CEP290: variants seen among roughly 807,000 people sequenced by gnomAD.
CEP290 encodes the protein centrosomal protein of 290 kDa.
CEP290 carries 317 observed loss-of-function variants against 344.9 expected under a neutral mutation model. That is an observed-to-expected ratio of 0.92 (90% CI 0.84 to 1.01). CEP290 has a LOEUF of 1.01. Among genes scored for constraint, CEP290 ranks in the 50% least tolerant of loss-of-function variants. The pLI is 0.00. For synonymous variants in CEP290, 932 were observed against 895.8 expected, an observed-to-expected ratio of 1.04 and a Z score of -0.72; for missense variants, 2,754 against 2,761.4, an observed-to-expected ratio of 1.00 and a Z score of 0.06.
intron 6 of CEP290, chr12:88,136,138 A>G (rs2040342032): frequency 6.6e-6 from 1 of 152,240 alleles, no homozygotes. Flanking sequence ...CATGAACACA[A>G]CTTTTCAAAA....
chr12:88,090,696 A>G, intron 30 of CEP290, 32 bp downstream of exon 30: 1 of 1,290,746 alleles, frequency 7.7e-7, no homozygotes, highest in Non-Finnish European at 1.1e-6. Context: ...AAAAAAGTGG[A>G]TTCTATGTAG....
At chr12:88,097,108 GT>G in intron 26 of CEP290, 109 bp from the exon 27 acceptor site, 1 of 629,682 alleles carries the variant, frequency 1.6e-6, no homozygotes, top group Non-Finnish European at 2.7e-6. Flanking sequence ...TCACAATCCA[GT>G]TTTTTACAAA....
At chr12:88,070,150 G>C (rs1195399393) in intron 43 of CEP290, among the ~76,000 whole-genome samples, 1 of 152,106 alleles carries the variant, frequency 6.6e-6, no homozygotes, top group Non-Finnish European at 1.5e-5. Context: ...GGTGATGCAG[G>C]GCAAGGGCAT....
intron 49 of CEP290, among the ~76,000 whole-genome samples, chr12:88,057,104 TATC>T (rs1233887133): frequency 6.6e-6 from 1 of 152,206 alleles, no homozygotes. Flanking sequence ...TATGGTTAAA[TATC>T]ATCATCACCT....
intron 13 of CEP290, among the ~76,000 whole-genome samples, chr12:88,123,080 G>A (rs2039512024): frequency 6.6e-6 from 1 of 151,932 alleles, no homozygotes; most frequent in Non-Finnish European, 1.5e-5. Context: ...CTACAATTAT[G>A]GATGAACTCT....
At chr12:88,122,359 C>T (rs540257539) in intron 13 of CEP290, among the ~76,000 whole-genome samples, 21 of 152,252 alleles carry the variant, frequency 1.4e-4, no homozygotes, top group Admixed American at 2.6e-4. Context: ...GATAAAGCTG[C>T]ATTCCATCCA....
chr12:88,062,696 C>T lies in CEP290; in HGVS notation c.6353G>A (p.Arg2118Lys), dbSNP rs1208196086. The change falls in exon 46 of 54, where the codon AGA becomes AAA. Residue 2118 changes from arginine (R) to lysine (K), a missense_variant. Coordinates refer to ENST00000552810, the MANE Select transcript of CEP290 (RefSeq NM_025114.4). The part of the protein sequence containing the change: ...AEVQRKLGHV[R>K]GSGRSGKTIP... ...GTATGGTAAATTCTCACATACCCCT[C>T]TAACATGGCCAAGTTTCCGCTGAAC... 3.7e-6 allele frequency: 6 copies of T among 1,601,172 alleles called. No individual in the cohort carries two copies. Among genetic ancestry groups the T allele is most frequent in the Non-Finnish European group, 5.1e-6 (6 of 1,172,188 alleles).
Position 88,125,292 on chromosome 12 carries a change from A to G in CEP290, c.1143T>C (p.Asn381=). The G allele has an allele frequency of 8.8e-7, 1 of 1,132,054 alleles. No individual in the cohort carries two copies. The highest frequency in any genetic ancestry group is 1.2e-6 in the Non-Finnish European group (1 of 838,604). The allele number at this position is 1,132,054 out of a possible 1,614,324, so 70.1% of individuals were successfully genotyped here. A position where few individuals can be genotyped will look rare whatever the true frequency, so the allele number is the denominator to read the frequency against. ...TTTTCAAATCTTCAATAATACAAGT[A>G]TTCTTTTCCATTTCTTTTGTATATT... ...VEQYTKEMEK[N]TCIIEDLKNE... Residue 381 remains asparagine, a synonymous_variant, in exon 13 of 54, where the codon AAT becomes AAC. Transcript: ENST00000552810.
intron 29 of CEP290, among the ~76,000 whole-genome samples, chr12:88,091,169 T>C (rs1331338025): frequency 6.6e-6 from 1 of 152,162 alleles, no homozygotes; most frequent in African/African-American, 2.4e-5. Flanking sequence ...CAAATGTATA[T>C]AGCCAAAGAA....
Position 88,064,040 on chromosome 12 carries a change from C to G in CEP290, c.6211G>C (p.Glu2071Gln), listed in dbSNP as rs1290067659. 6.3e-7 allele frequency: 1 copy of G among 1,595,582 alleles called. No individual in the cohort carries two copies. Among genetic ancestry groups the G allele is most frequent in the Non-Finnish European group, 8.6e-7 (1 of 1,169,570 alleles). ...LQKENLKLSS[E>Q]NIELKFQLEQ... ...AGCTGAAATTTCAGTTCAATATTTT[C>G]AGATGACAACTTCAAGTTTTCCTTC... Residue 2071 changes from glutamate to glutamine, a missense_variant, in exon 45 of 54, where the codon GAA (glutamate) becomes CAA (glutamine). Physicochemically the swap from Glu to Gln is conservative, Grantham distance 29. Coordinates refer to ENST00000552810, the MANE Select transcript of CEP290 (RefSeq NM_025114.4).
chr12:88,115,859 C>T, intron 18 of CEP290: 1 of 983,242 alleles, frequency 1.0e-6, no homozygotes, highest in Non-Finnish European at 1.2e-6. Flanking sequence ...CAGTAATAGA[C>T]ACAGGGTCTG....
At chr12:88,100,432 C>T (rs1373154286) in intron 26 of CEP290, among the ~76,000 whole-genome samples, 1 of 152,036 alleles carries the variant, frequency 6.6e-6, no homozygotes, top group Non-Finnish European at 1.5e-5. Context: ...CACATGAAAT[C>T]TGATTTTCGT....
At chr12:88,086,525 C>CACAT (rs770526024) in intron 32 of CEP290, 27 bp from the exon 33 acceptor site, 4 of 1,513,104 alleles carry the variant, frequency 2.6e-6, no homozygotes, top group Non-Finnish European at 2.7e-6. Context: ...TTGTGTCAGA[C>CACAT]ACATACACGA....
At chr12:88,123,498 T>C (rs1241087047) in intron 13 of CEP290, among the ~76,000 whole-genome samples, 1 of 152,070 alleles carries the variant, frequency 6.6e-6, no homozygotes, top group Non-Finnish European at 1.5e-5. Flanking sequence ...CAGTTGTTTC[T>C]TCTTCCTTGG....
At chr12:88,077,390 A>C (rs1484710438) in intron 40 of CEP290, 46 bp from the exon 41 acceptor site, 1 of 1,206,968 alleles carries the variant, frequency 8.3e-7, no homozygotes, top group East Asian at 2.6e-5. Context: ...TAAATGTAAA[A>C]CAAAATAGAC....
Position 88,130,256 on chromosome 12 carries a change from T to C in CEP290, c.669+12A>G. On this transcript the variant is annotated intron_variant, in intron 9 of 53. Coordinates refer to ENST00000552810, the MANE Select transcript of CEP290 (RefSeq NM_025114.4). Reference sequence around the variant, plus strand: ...GGAACCATTGCTCTGAATTGACTTCTAGCCATTTTACCTGAATTTCATCAA... The same window carrying C: ...GGAACCATTGCTCTGAATTGACTTCCAGCCATTTTACCTGAATTTCATCAA... The C allele has an allele frequency of 6.3e-7, 1 of 1,592,410 alleles. No homozygotes were observed. Among genetic ancestry groups the C allele is most frequent in the Non-Finnish European group, 8.5e-7 (1 of 1,174,106 alleles).
intron 43 of CEP290, 49 bp downstream of exon 43, chr12:88,071,245 A>T: frequency 6.9e-7 from 1 of 1,448,384 alleles, no homozygotes; most frequent in African/African-American, 1.4e-5. Context: ...TCTAGGGGTC[A>T]ACCAGTTTTT....
intron 41 of CEP290, among the ~76,000 whole-genome samples, chr12:88,074,206 C>T (rs2035592923): frequency 6.6e-6 from 1 of 151,784 alleles, no homozygotes; most frequent in Non-Finnish European, 1.5e-5. Context: ...GCCTGGGTGA[C>T]AAGAATAAAA....
In CEP290 at chr12:88,116,120, T is replaced by C. The variant is rs963834538; in HGVS notation, c.1824+913A>G. 3.1e-5 allele frequency: 30 copies of C among 956,410 alleles called. 2 individuals are homozygous for C. Among genetic ancestry groups the C allele is most frequent in the Middle Eastern group, 1.1e-3 (2 of 1,896 alleles). 59.2% of individuals were successfully genotyped at this position (956,410 alleles called of 1,614,324 possible). A position where few individuals can be genotyped will look rare whatever the true frequency, so the allele number is the denominator to read the frequency against. On this transcript the variant is annotated intron_variant, in intron 18 of 53. Coordinates refer to ENST00000552810, the MANE Select transcript of CEP290 (RefSeq NM_025114.4). ...AAGCTGTTGATAAGCCATGAAAAGA[T>C]GAATTGCTTTTTTGTACAAAACTAG...
Sources: allele counts gnomAD v4.1 joint callset (sites outside exome capture counted in the v4.1 genomes callset), GRCh38; gene constraint gnomAD v4.1.1; transcripts MANE v1.5; gene names NCBI Gene and HGNC (gene_info 2026-07-23, HGNC 2026-07-21).